SAMD12: variants seen among roughly 807,000 people sequenced by gnomAD.
SAMD12 encodes sterile alpha motif domain containing 12.
Under a neutral mutation model 15.0 loss-of-function variants are expected in SAMD12, and 9 were observed. The observed-to-expected ratio is 0.60, with a 90% CI of 0.36 to 1.05. The LOEUF (loss-of-function observed/expected upper bound fraction) is 1.05, where lower values mean the gene tolerates loss of function less well. SAMD12 is among the 50% of genes least tolerant of loss of function. The pLI is 0.01. For synonymous variants in SAMD12, 86 were observed against 90.1 expected, an observed-to-expected ratio of 0.96 and a Z score of 0.25; for missense variants, 230 against 234.2, an observed-to-expected ratio of 0.98 and a Z score of 0.12.
chr8:118,614,832 T>C (rs1316396015), intron 1 of SAMD12, among the ~76,000 whole-genome samples: 1 of 152,202 alleles, frequency 6.6e-6, no homozygotes, highest in Non-Finnish European at 1.5e-5. Flanking sequence ...ACCCACACTT[T>C]AGAAAAATCA....
At chr8:118,568,031 G>T (rs892354101) in intron 2 of SAMD12, among the ~76,000 whole-genome samples, 1 of 150,912 alleles carries the variant, frequency 6.6e-6, no homozygotes, top group Non-Finnish European at 1.5e-5. Context: ...CACTCTAGTG[G>T]ATGATGACCT....
At chr8:118,482,767 T>C (rs1169479967) in intron 2 of SAMD12, among the ~76,000 whole-genome samples, 2 of 152,156 alleles carry the variant, frequency 1.3e-5, no homozygotes, top group African/African-American at 2.4e-5. Flanking sequence ...AAGCTGTCCA[T>C]GGATCAGTAA....
chr8:118,595,597 C>T (rs1356346528), intron 1 of SAMD12, among the ~76,000 whole-genome samples: 1 of 152,210 alleles, frequency 6.6e-6, no homozygotes, highest in African/African-American at 2.4e-5. Context: ...TCCTTGGCTA[C>T]TGCTGATAGC....
intron 2 of SAMD12, among the ~76,000 whole-genome samples, chr8:118,491,993 T>C (rs1291823830): frequency 1.3e-5 from 2 of 152,186 alleles, no homozygotes; most frequent in African/African-American, 2.4e-5. Flanking sequence ...CAAGTATCTA[T>C]AAAGTTTGAT....
chr8:118,237,324 C>T (rs567431942), intron 4 of SAMD12, among the ~76,000 whole-genome samples: 4 of 152,240 alleles, frequency 2.6e-5, no homozygotes, highest in South Asian at 4.1e-4. Context: ...TAATGAGTTA[C>T]GTAGAGCATA....
At chr8:118,517,326 T>C (rs568579358) in intron 2 of SAMD12, among the ~76,000 whole-genome samples, 143 of 152,342 alleles carry the variant, frequency 9.4e-4, no homozygotes, top group Non-Finnish European at 1.5e-3. Context: ...AGCACTTACC[T>C]GCTTAACCGG....
chr8:118,200,162 G>A (rs754099408), intron 4 of SAMD12, among the ~76,000 whole-genome samples: 21 of 152,118 alleles, frequency 1.4e-4, no homozygotes, highest in Non-Finnish European at 2.5e-4. Flanking sequence ...CCCCAGCCAC[G>A]TGGAACTGTG....
intron 4 of SAMD12, chr8:118,284,274 T>C (rs989106764): frequency 2.8e-5 from 13 of 456,200 alleles, no homozygotes; most frequent in Non-Finnish European, 5.3e-5. Context: ...TTTTACAGTT[T>C]GGGTGTGCAC....
intron 2 of SAMD12, among the ~76,000 whole-genome samples, chr8:118,531,259 G>T (rs1825676135): frequency 1.3e-5 from 2 of 152,188 alleles, no homozygotes; most frequent in African/African-American, 4.8e-5. Flanking sequence ...TATTATTTCT[G>T]AGGCTTCTAT....
At chr8:118,139,305 T>C in the SAMD12 span, among the ~76,000 whole-genome samples, 1 of 152,154 alleles carries the variant, frequency 6.6e-6, no homozygotes, top group Non-Finnish European at 1.5e-5. Context: ...TAACTGGATA[T>C]ATTTCTCATT....
At chr8:118,566,248 C>A (rs745782606) in intron 2 of SAMD12, among the ~76,000 whole-genome samples, 3 of 152,294 alleles carry the variant, frequency 2.0e-5, no homozygotes, top group Non-Finnish European at 2.9e-5. Flanking sequence ...AAGGCAGATC[C>A]TGCGCCCATC....
At chr8:118,518,429 T>C (rs1825302576) in intron 2 of SAMD12, among the ~76,000 whole-genome samples, 1 of 152,226 alleles carries the variant, frequency 6.6e-6, no homozygotes, top group Non-Finnish European at 1.5e-5. Context: ...TATTTGTATT[T>C]TGATAAACTG....
chr8:118,447,704 ATATTTATTTATT>A (rs71292164), intron 2 of SAMD12, among the ~76,000 whole-genome samples: 1,942 of 138,268 alleles, frequency 0.014, 15 homozygotes, highest in African/African-American at 0.028. Context: ...TTTATTTTTA[ATATTTATTTATT>A]TATTTATTTA....
intron 2 of SAMD12, among the ~76,000 whole-genome samples, chr8:118,537,059 G>T (rs982143987): frequency 6.6e-6 from 1 of 152,002 alleles, no homozygotes; most frequent in Non-Finnish European, 1.5e-5. Context: ...ACTATTCTAG[G>T]ATACAAGTTT....
At chr8:118,325,361 G>A (rs981602154) in intron 4 of SAMD12, among the ~76,000 whole-genome samples, 2 of 152,192 alleles carry the variant, frequency 1.3e-5, no homozygotes, top group Non-Finnish European at 2.9e-5. Context: ...GAGAACTAAG[G>A]AAGAAACGAG....
chr8:118,211,087 C>A (rs1586346751), intron 4 of SAMD12, among the ~76,000 whole-genome samples: 1 of 152,146 alleles, frequency 6.6e-6, no homozygotes, highest in Admixed American at 6.5e-5. Flanking sequence ...GGCAAGATTC[C>A]AGGGGAGCAG....
At chr8:118,359,239 G>C (rs1366450345) in intron 4 of SAMD12, among the ~76,000 whole-genome samples, 1 of 152,174 alleles carries the variant, frequency 6.6e-6, no homozygotes, top group African/African-American at 2.4e-5. Context: ...CTAACACAGA[G>C]AGTGACAACC....
chr8:118,458,562 C>T (rs777461496), intron 2 of SAMD12, among the ~76,000 whole-genome samples: 3 of 152,136 alleles, frequency 2.0e-5, no homozygotes, highest in African/African-American at 4.8e-5. Flanking sequence ...TAAAGAAATG[C>T]TCAGAAAAAG....
chr8:118,415,103 C>G (rs1195955248), intron 3 of SAMD12, among the ~76,000 whole-genome samples: 1 of 152,134 alleles, frequency 6.6e-6, no homozygotes, highest in African/African-American at 2.4e-5. Flanking sequence ...GTCATGCCTC[C>G]AGGGCGAGTA....
Sources: gnomAD v4.1 joint callset for allele counts (sites outside exome capture counted in the v4.1 genomes callset) on GRCh38, gnomAD v4.1.1 for gene constraint, MANE v1.5 for transcripts, NCBI Gene and HGNC (gene_info 2026-07-23, HGNC 2026-07-21) for gene names.